LRRTM4: variants seen among roughly 807,000 people sequenced by gnomAD.
LRRTM4 encodes leucine-rich repeat transmembrane neuronal protein 4.
In LRRTM4, 25 loss-of-function variants were observed where a neutral mutation model predicts 47.6. That is an observed-to-expected ratio of 0.53 (90% CI 0.38 to 0.73). LRRTM4 has a LOEUF of 0.73. Among genes scored for constraint, LRRTM4 ranks in the 30% least tolerant of loss-of-function variants. The pLI, the probability that LRRTM4 is intolerant of heterozygous loss-of-function variation, is 0.00. For missense variants in LRRTM4, 638 were observed against 713.4 expected, an observed-to-expected ratio of 0.89 and a Z score of 1.20; for synonymous variants, 311 against 269.5, an observed-to-expected ratio of 1.15 and a Z score of -1.51.
intron 3 of LRRTM4, among the ~76,000 whole-genome samples, chr2:77,439,124 T>C (rs910504923): frequency 3.3e-5 from 5 of 152,152 alleles, no homozygotes; most frequent in Non-Finnish European, 5.9e-5. Flanking sequence ...CAGTCTGAAG[T>C]GAGGTGAAGC....
intron 3 of LRRTM4, among the ~76,000 whole-genome samples, chr2:77,058,031 C>T (rs916021841): frequency 3.3e-5 from 5 of 152,068 alleles, no homozygotes; most frequent in African/African-American, 1.2e-4. Flanking sequence ...AATATTTTGT[C>T]AATATTTTAG....
At chr2:77,420,606 G>A (rs1674836236) in intron 3 of LRRTM4, among the ~76,000 whole-genome samples, 1 of 150,996 alleles carries the variant, frequency 6.6e-6, no homozygotes, top group South Asian at 2.1e-4. Context: ...ATGGAAATAT[G>A]ACTTCGTAGT....
chr2:76,888,907 A>C (rs542140843), intron 3 of LRRTM4, among the ~76,000 whole-genome samples: 80 of 152,006 alleles, frequency 5.3e-4, no homozygotes, highest in Non-Finnish European at 9.3e-4. Flanking sequence ...TGTGAGACTA[A>C]ATTATTCAAT....
intron 3 of LRRTM4, among the ~76,000 whole-genome samples, chr2:77,323,378 T>C (rs187560683): frequency 6.6e-6 from 1 of 152,030 alleles, no homozygotes; most frequent in Non-Finnish European, 1.5e-5. Context: ...AAGGTTAGAG[T>C]TGGGAGAAAA....
chr2:76,961,515 C>G (rs1675860315), intron 3 of LRRTM4, among the ~76,000 whole-genome samples: 1 of 151,334 alleles, frequency 6.6e-6, no homozygotes, highest in African/African-American at 2.4e-5. Flanking sequence ...TATATATTTT[C>G]TTCACTGAAC....
chr2:77,285,560 G>A (rs1012875666), intron 3 of LRRTM4, among the ~76,000 whole-genome samples: 22 of 151,530 alleles, frequency 1.5e-4, no homozygotes, highest in African/African-American at 5.1e-4. Context: ...TGGCCAACGT[G>A]GTGAAACCCC....
At chr2:77,490,449 A>G (rs1201634471) in intron 3 of LRRTM4, among the ~76,000 whole-genome samples, 1 of 152,190 alleles carries the variant, frequency 6.6e-6, no homozygotes, top group East Asian at 1.9e-4. Flanking sequence ...AGGAAAGAAA[A>G]GAAACACAAT....
At chr2:76,997,243 CTT>C (rs1357297393) in intron 3 of LRRTM4, among the ~76,000 whole-genome samples, 8 of 152,218 alleles carry the variant, frequency 5.3e-5, no homozygotes, top group African/African-American at 1.9e-4. Flanking sequence ...TGAATTTTTA[CTT>C]TCAGTCCTGA....
At chr2:77,096,527 C>A (rs1670816486) in intron 3 of LRRTM4, among the ~76,000 whole-genome samples, 1 of 151,104 alleles carries the variant, frequency 6.6e-6, no homozygotes, top group South Asian at 2.1e-4. Context: ...AATAAAATGT[C>A]TATATTAAAA....
intron 3 of LRRTM4, among the ~76,000 whole-genome samples, chr2:76,862,622 C>G (rs994510977): frequency 6.6e-6 from 1 of 152,152 alleles, no homozygotes; most frequent in African/African-American, 2.4e-5. Context: ...GGGAAAATAT[C>G]TCACACACGC....
At position 76,781,477 on chromosome 2, in the gene LRRTM4, T is replaced by A. The variant is rs370748513; in HGVS notation, c.1552-32561A>T. Among the ~76,000 whole-genome samples, 8 of 152,308 alleles carry A rather than the reference T, an allele frequency of 5.3e-5. No individual in the cohort carries two copies. In the East Asian group the frequency reaches 1.4e-3, roughly 26 times the overall value. ...GTGGTGGGCCCCTTTTTTAAGCCCGTCTGAAAAGCGCAGTATTCGGGTGGG... is the reference window on the plus strand; with the variant it reads ...GTGGTGGGCCCCTTTTTTAAGCCCGACTGAAAAGCGCAGTATTCGGGTGGG... On this transcript the variant is annotated intron_variant, in intron 3 of 3. Coordinates refer to ENST00000409884, the MANE Select transcript of LRRTM4 (RefSeq NM_001134745.3).
At position 77,483,967 on chromosome 2, in the gene LRRTM4, T is replaced by A. The variant is rs115936448; in HGVS notation, c.1551+34351A>T. 7.0e-4 allele frequency among the ~76,000 whole-genome samples: 107 copies of A among 152,338 alleles called. 3 individuals carry two copies. In the South Asian group the frequency reaches 0.02, roughly 29 times the overall value. ...ATCTCAGCATCTCAAGGTAATGTTTTATTTTGTTTTCACATCACCAGTAAC... is the reference window on the plus strand; with the variant it reads ...ATCTCAGCATCTCAAGGTAATGTTTAATTTTGTTTTCACATCACCAGTAAC... On this transcript the variant is annotated intron_variant, in intron 3 of 3. Coordinates refer to ENST00000409884, the MANE Select transcript of LRRTM4 (RefSeq NM_001134745.3).
At chr2:76,879,525 T>TTCAAAATATTACTGC (rs1672870245) in intron 3 of LRRTM4, among the ~76,000 whole-genome samples, 1 of 152,196 alleles carries the variant, frequency 6.6e-6, no homozygotes, top group African/African-American at 2.4e-5. Flanking sequence ...AAACATTGCT[T>TTCAAAATATTACTGC]TCAAAATATT....
At chr2:77,221,759 A>C (rs935407786) in intron 3 of LRRTM4, among the ~76,000 whole-genome samples, 15 of 152,202 alleles carry the variant, frequency 9.9e-5, no homozygotes, top group Non-Finnish European at 2.1e-4. Flanking sequence ...TAATAATGGG[A>C]GACTTTAACA....
intron 3 of LRRTM4, among the ~76,000 whole-genome samples, chr2:76,940,827 T>C (rs1194057658): frequency 6.6e-6 from 1 of 152,184 alleles, no homozygotes; most frequent in African/African-American, 2.4e-5. Context: ...TTAAACCTGA[T>C]AGCTTAGTCC....
intron 3 of LRRTM4, among the ~76,000 whole-genome samples, chr2:76,835,847 T>C (rs1186216502): frequency 6.6e-6 from 1 of 152,048 alleles, no homozygotes; most frequent in Non-Finnish European, 1.5e-5. Context: ...AGAAAATAGA[T>C]TATGAATATG....
intron 3 of LRRTM4, among the ~76,000 whole-genome samples, chr2:77,226,538 CATATATATATAT>C (rs60188707): frequency 0.057 from 8,233 of 144,098 alleles, 397 homozygotes; most frequent in East Asian, 0.3. Flanking sequence ...AAATTATATA[CATATATATATAT>C]ATATATATAT....
chr2:77,346,997 C>T (rs1671588096), intron 3 of LRRTM4, among the ~76,000 whole-genome samples: 1 of 152,162 alleles, frequency 6.6e-6, no homozygotes, highest in South Asian at 2.1e-4. Context: ...CCTGGGACAG[C>T]ATCGATCAAC....
chr2:77,171,328 G>A (rs1400022680), intron 3 of LRRTM4, among the ~76,000 whole-genome samples: 1 of 152,104 alleles, frequency 6.6e-6, no homozygotes, highest in Non-Finnish European at 1.5e-5. Context: ...CCAGGCAGGA[G>A]TGAAGTGGTG....
Sources: gnomAD v4.1 joint callset for allele counts (sites outside exome capture counted in the v4.1 genomes callset) on GRCh38, gnomAD v4.1.1 for gene constraint, MANE v1.5 for transcripts, NCBI Gene and HGNC (gene_info 2026-07-23, HGNC 2026-07-21) for gene names.